The following GRB10 variants were observed in gnomAD, a reference collection of about 807,000 sequenced individuals.
GRB10 encodes the protein growth factor receptor-bound protein 10.
In GRB10, 20 loss-of-function variants were observed where a neutral mutation model predicts 80.9. The ratio of observed to expected loss-of-function variants is 0.25; its 90% CI spans 0.17 to 0.36. The LOEUF (loss-of-function observed/expected upper bound fraction) is 0.36, where lower values mean the gene tolerates loss of function less well. Ranked by LOEUF, GRB10 falls within the 10% of genes least tolerant of loss-of-function variation. The probability of loss-of-function intolerance (pLI) is 1.00; values close to 1 mark genes in which losing one functional copy is unlikely to be tolerated. For missense variants in GRB10, 548 were observed against 747.7 expected (o/e 0.73, Z 3.12); for synonymous variants, 291 against 291.5 (o/e 1.00, Z 0.02).
At chr7:50,656,420 A>G (rs2058655127) in intron 7 of GRB10, among the ~76,000 whole-genome samples, 1 of 152,232 alleles carries the variant, frequency 6.6e-6, no homozygotes, top group Non-Finnish European at 1.5e-5. Context: ...TAAGCTCATA[A>G]GGTCAGAGAC....
At chr7:50,765,550 C>A (rs2076254955) in intron 2 of GRB10, among the ~76,000 whole-genome samples, 1 of 152,160 alleles carries the variant, frequency 6.6e-6, no homozygotes, top group South Asian at 2.1e-4. Flanking sequence ...CATAGAAAGA[C>A]ATATGACATG....
At chr7:50,631,118 A>G (rs1307939163) in intron 7 of GRB10, among the ~76,000 whole-genome samples, 1 of 152,136 alleles carries the variant, frequency 6.6e-6, no homozygotes, top group Admixed American at 6.5e-5. Context: ...CCTTGCTGTC[A>G]ATCTTAGCAC....
chr7:50,689,400 T>C (rs2529407), intron 5 of GRB10, among the ~76,000 whole-genome samples: 138,158 of 152,280 alleles, frequency 0.91, 62,836 homozygotes, highest in African/African-American at 0.97. Flanking sequence ...GCCCCCTCAC[T>C]CTTTGAACAA....
intron 7 of GRB10, among the ~76,000 whole-genome samples, chr7:50,629,187 G>A (rs1398072759): frequency 6.6e-6 from 1 of 152,140 alleles, no homozygotes; most frequent in African/African-American, 2.4e-5. Context: ...TTATGTTGAA[G>A]TGTGTGTCTC....
At position 50,669,369 on chromosome 7, in the gene GRB10, G is replaced by C. The variant is rs886907490; in HGVS notation, c.504+353C>G. 4.6e-5 allele frequency among the ~76,000 whole-genome samples: 7 copies of C among 152,280 alleles called. No homozygotes were observed. In the East Asian group the frequency reaches 1.4e-3, roughly 29 times the overall value. ...ACTGGCGTCTCGCACAGCAGGAGTG[G>C]GAGCAAGGGGAGGAGATGACACGCA... On this transcript the variant is annotated intron_variant, in intron 7 of 18. Transcript: ENST00000401949.
At chr7:50,710,940 GTA>G (rs1403669028) in intron 4 of GRB10, 2 of 1,605,134 alleles carry the variant, frequency 1.2e-6, no homozygotes, top group Non-Finnish European at 1.7e-6. Context: ...TCTACAGTGG[GTA>G]TCACGTGGCT....
chr7:50,761,111 G>C (rs533248661), intron 2 of GRB10, among the ~76,000 whole-genome samples: 25 of 152,346 alleles, frequency 1.6e-4, no homozygotes, highest in Middle Eastern at 3.4e-3. Context: ...TCATTTTACA[G>C]ATGCAGAAAC....
intron 4 of GRB10, among the ~76,000 whole-genome samples, chr7:50,712,027 G>A (rs1228358512): frequency 6.6e-6 from 1 of 151,910 alleles, no homozygotes; most frequent in African/African-American, 2.4e-5. Flanking sequence ...CGAGCTATGG[G>A]TAACTACAAA....
intron 7 of GRB10, among the ~76,000 whole-genome samples, chr7:50,664,362 C>A (rs534350781): frequency 6.6e-6 from 1 of 152,228 alleles, no homozygotes; most frequent in Admixed American, 6.5e-5. Flanking sequence ...TGGCACCCCA[C>A]TCACCTTTCT....
intron 17 of GRB10, among the ~76,000 whole-genome samples, chr7:50,599,224 T>C (rs1460874676): frequency 1.3e-5 from 2 of 152,180 alleles, no homozygotes; most frequent in African/African-American, 4.8e-5. Flanking sequence ...ATTTCAGGAA[T>C]ACTTGACGGG....
intron 4 of GRB10, among the ~76,000 whole-genome samples, chr7:50,706,581 G>C (rs2065064503): frequency 6.6e-6 from 1 of 152,156 alleles, no homozygotes; most frequent in African/African-American, 2.4e-5. Flanking sequence ...TTTTTTTCTG[G>C]CTAATTCCAG....
chr7:50,717,602 C>CCT (rs1320222777), intron 4 of GRB10, among the ~76,000 whole-genome samples: 1 of 152,196 alleles, frequency 6.6e-6, no homozygotes, highest in Non-Finnish European at 1.5e-5. Flanking sequence ...ACAACAGGCC[C>CCT]CTCCTTATCC....
At chr7:50,729,045 G>T (rs894314992) in intron 4 of GRB10, among the ~76,000 whole-genome samples, 5 of 152,294 alleles carry the variant, frequency 3.3e-5, no homozygotes, top group Admixed American at 3.3e-4. Context: ...TTCCCCGCCT[G>T]AAGCTTCAGG....
At chr7:50,695,053 T>C (rs770760678) in intron 5 of GRB10, among the ~76,000 whole-genome samples, 3 of 152,128 alleles carry the variant, frequency 2.0e-5, no homozygotes. Context: ...CACCTCTGCA[T>C]CCTCCCAGGG....
At chr7:50,737,261 T>TG (rs1349340897) in intron 3 of GRB10, among the ~76,000 whole-genome samples, 1 of 152,230 alleles carries the variant, frequency 6.6e-6, no homozygotes, top group African/African-American at 2.4e-5. Flanking sequence ...GACCGGATCA[T>TG]GGGGGTGGTT....
intron 13 of GRB10, among the ~76,000 whole-genome samples, chr7:50,607,235 G>A (rs2048703018): frequency 6.6e-6 from 1 of 152,148 alleles, no homozygotes; most frequent in Non-Finnish European, 1.5e-5. Flanking sequence ...GCAGTTCTGA[G>A]GTAATCCGCA....
At chr7:50,726,493 G>A (rs559792342) in intron 4 of GRB10, among the ~76,000 whole-genome samples, 5 of 152,122 alleles carry the variant, frequency 3.3e-5, no homozygotes, top group Non-Finnish European at 5.9e-5. Context: ...GCCCATACTT[G>A]AGGATGATGA....
intron 13 of GRB10, chr7:50,606,730 A>T: frequency 2.9e-6 from 1 of 344,066 alleles, no homozygotes; most frequent in Non-Finnish European, 5.5e-6. Context: ...ATTCTACACC[A>T]TATTTTTATA....
intron 4 of GRB10, among the ~76,000 whole-genome samples, chr7:50,715,621 T>G (rs1387740951): frequency 1.3e-5 from 2 of 152,180 alleles, no homozygotes; most frequent in Non-Finnish European, 2.9e-5. Flanking sequence ...GCCTATTTCC[T>G]CACCAATAAA....
Sources: gnomAD v4.1 joint callset for allele counts (sites outside exome capture counted in the v4.1 genomes callset) on GRCh38, gnomAD v4.1.1 for gene constraint, MANE v1.5 for transcripts, NCBI Gene and HGNC (gene_info 2026-07-23, HGNC 2026-07-21) for gene names.